The following KAZN variants were observed in gnomAD, a reference collection of about 807,000 sequenced individuals.
KAZN encodes the protein kazrin.
KAZN carries 40 observed loss-of-function variants against 87.4 expected under a neutral mutation model. The ratio of observed to expected loss-of-function variants is 0.46; its 90% CI spans 0.36 to 0.60. KAZN has a LOEUF of 0.60. Among genes scored for constraint, KAZN ranks in the 20% least tolerant of loss-of-function variants. The pLI is 0.00. For missense variants in KAZN, 898 were observed against 1,073.9 expected, an observed-to-expected ratio of 0.84 and a Z score of 2.29; for synonymous variants, 466 against 458.3, an observed-to-expected ratio of 1.02 and a Z score of -0.22.
At chr1:14,586,409 A>T (rs1403886178) in intron 2 of KAZN, among the ~76,000 whole-genome samples, 1 of 152,194 alleles carries the variant, frequency 6.6e-6, no homozygotes, top group Non-Finnish European at 1.5e-5. Flanking sequence ...TAGTAATAGT[A>T]AGAATTGCTA....
chr1:14,437,500 GC>G (rs1474733517), intron 2 of KAZN, among the ~76,000 whole-genome samples: 4 of 152,096 alleles, frequency 2.6e-5, no homozygotes, highest in Non-Finnish European at 5.9e-5. Context: ...TTCTCACCTC[GC>G]CCCTGGCAGT....
At chr1:14,551,792 G>A (rs1673538624) in intron 2 of KAZN, among the ~76,000 whole-genome samples, 2 of 152,030 alleles carry the variant, frequency 1.3e-5, no homozygotes, top group African/African-American at 4.8e-5. Context: ...CCACAGAGTG[G>A]GCAATTACCA....
intron 1 of KAZN, among the ~76,000 whole-genome samples, chr1:14,869,097 A>G (rs1400236078): frequency 6.6e-6 from 1 of 152,162 alleles, no homozygotes; most frequent in Non-Finnish European, 1.5e-5. Context: ...TGAGAACCGC[A>G]GACTTGCCAA....
intron 2 of KAZN, among the ~76,000 whole-genome samples, chr1:14,500,362 G>A (rs1670172690): frequency 6.6e-6 from 1 of 152,022 alleles, no homozygotes; most frequent in South Asian, 2.1e-4. Flanking sequence ...CAGAAACACC[G>A]ACCTAAACTT....
At chr1:14,842,487 T>C (rs775192759) in intron 1 of KAZN, among the ~76,000 whole-genome samples, 2 of 152,224 alleles carry the variant, frequency 1.3e-5, no homozygotes, top group Non-Finnish European at 2.9e-5. Context: ...GGGCATTCTC[T>C]CCTGTTGCGT....
intron 2 of KAZN, among the ~76,000 whole-genome samples, chr1:14,994,276 C>G (rs548455050): frequency 7.9e-5 from 12 of 152,352 alleles, no homozygotes; most frequent in African/African-American, 2.9e-4. Context: ...GCATGCAAGA[C>G]CACCTCCCTC....
At chr1:14,019,683 C>G (rs1640734048) in intron 1 of KAZN, among the ~76,000 whole-genome samples, 2 of 152,064 alleles carry the variant, frequency 1.3e-5, no homozygotes, top group Non-Finnish European at 2.9e-5. Flanking sequence ...TCCAGGGTTT[C>G]TAGGTCAACT....
intron 14 of KAZN, chr1:15,114,137 G>A (rs1444423408): frequency 2.5e-5 from 6 of 242,036 alleles, no homozygotes; most frequent in Non-Finnish European, 4.9e-5. Context: ...GTAGTCTCCA[G>A]GACACACTTC....
intron 1 of KAZN, among the ~76,000 whole-genome samples, chr1:14,603,396 C>CCTGGTAGG (rs3085958): frequency 0.82 from 123,711 of 151,614 alleles, 50,679 homozygotes; most frequent in African/African-American, 0.88. Flanking sequence ...CTTTTCCTAA[C>CCTGGTAGG]CTGTCATGGG....
intron 2 of KAZN, among the ~76,000 whole-genome samples, chr1:15,002,600 C>T (rs1232722617): frequency 6.6e-6 from 1 of 152,142 alleles, no homozygotes; most frequent in African/African-American, 2.4e-5. Context: ...TCAGCGTCAT[C>T]GCCATCATCA....
At chr1:14,592,203 A>G (rs1676241644) in intron 2 of KAZN, among the ~76,000 whole-genome samples, 1 of 152,180 alleles carries the variant, frequency 6.6e-6, no homozygotes, top group Non-Finnish European at 1.5e-5. Flanking sequence ...GACAATTTGA[A>G]TAAACAGAGA....
chr1:14,105,675 T>C (rs1435056922), intron 1 of KAZN, among the ~76,000 whole-genome samples: 2 of 152,222 alleles, frequency 1.3e-5, no homozygotes, highest in Non-Finnish European at 2.9e-5. Flanking sequence ...TCAACAATTC[T>C]CTACATCTTC....
At chr1:14,259,079 G>A (rs1046974255) in intron 2 of KAZN, among the ~76,000 whole-genome samples, 11 of 151,968 alleles carry the variant, frequency 7.2e-5, no homozygotes, top group Non-Finnish European at 1.2e-4. Context: ...ATGAACAAAG[G>A]CACACTTTCA....
intron 1 of KAZN, among the ~76,000 whole-genome samples, chr1:13,992,225 G>T (rs777633310): frequency 1.3e-5 from 2 of 152,190 alleles, no homozygotes; most frequent in Non-Finnish European, 2.9e-5. Flanking sequence ...TGTTAGAGCT[G>T]CTTCCAGGAC....
chr1:14,189,945 T>G (rs1646389910), intron 2 of KAZN, among the ~76,000 whole-genome samples: 1 of 152,140 alleles, frequency 6.6e-6, no homozygotes, highest in African/African-American at 2.4e-5. Context: ...ACTGCTCTAG[T>G]TGGTCTATTT....
intron 1 of KAZN, among the ~76,000 whole-genome samples, chr1:14,006,056 C>G (rs1490903362): frequency 6.6e-6 from 1 of 152,156 alleles, no homozygotes; most frequent in Non-Finnish European, 1.5e-5. Context: ...GGATATTAAT[C>G]TCTTATCAGA....
intron 1 of KAZN, among the ~76,000 whole-genome samples, chr1:14,614,104 T>G (rs34103159): frequency 0.013 from 1,947 of 152,288 alleles, 19 homozygotes; most frequent in Non-Finnish European, 0.02. Flanking sequence ...CATCACTAAC[T>G]AGTGTCACCC....
intron 2 of KAZN, among the ~76,000 whole-genome samples, chr1:14,464,614 C>G (rs1668019878): frequency 1.3e-5 from 2 of 151,950 alleles, no homozygotes; most frequent in Admixed American, 1.3e-4. Flanking sequence ...TTTCAGCTCA[C>G]TGCAACCTCC....
chr1:14,482,648 G>T (rs1669142956), intron 2 of KAZN, among the ~76,000 whole-genome samples: 1 of 152,176 alleles, frequency 6.6e-6, no homozygotes. Flanking sequence ...GAGGGAGTTG[G>T]GGAGGGGTCT....
Sources: gnomAD v4.1 joint callset for allele counts (sites outside exome capture counted in the v4.1 genomes callset) on GRCh38, gnomAD v4.1.1 for gene constraint, MANE v1.5 for transcripts, NCBI Gene and HGNC (gene_info 2026-07-23, HGNC 2026-07-21) for gene names.